SLC36A1: variants seen among roughly 807,000 people sequenced by gnomAD.
The protein encoded by SLC36A1 is proton-coupled amino acid transporter 1.
SLC36A1 carries 30 observed loss-of-function variants against 47.5 expected under a neutral mutation model. The observed-to-expected ratio is 0.63, with a 90% confidence interval of 0.47 to 0.86. The LOEUF (loss-of-function observed/expected upper bound fraction) is 0.86, where lower values mean the gene tolerates loss of function less well. Ranked by LOEUF, SLC36A1 falls within the 40% of genes least tolerant of loss-of-function variation. The probability of loss-of-function intolerance (pLI) is 0.00; values close to 1 mark genes in which losing one functional copy is unlikely to be tolerated. For missense variants in SLC36A1, 517 were observed against 606.0 expected (o/e 0.85, Z 1.54); for synonymous variants, 255 against 249.7 (o/e 1.02, Z -0.20).
At chr5:151,479,679 T>C (rs925839814) in intron 10 of SLC36A1, 190 bp downstream of exon 10, 6 of 595,952 alleles carry the variant, frequency 1.0e-5, no homozygotes, top group Non-Finnish European at 1.2e-5. Flanking sequence ...ACATATGTAC[T>C]GTAAAGAACA....
chr5:151,453,252 C>CT (rs1234260563), intron 1 of SLC36A1, among the ~76,000 whole-genome samples: 5 of 151,744 alleles, frequency 3.3e-5, no homozygotes, highest in Admixed American at 6.6e-5. Flanking sequence ...AAATAAAATG[C>CT]TAAGGTGGAA....
chr5:151,539,308 A>G, the SLC36A1 span, among the ~76,000 whole-genome samples: 1 of 152,212 alleles, frequency 6.6e-6, no homozygotes, highest in African/African-American at 2.4e-5. Flanking sequence ...GAGGAGATAT[A>G]TGTATTTATG....
At chr5:151,506,258 A>G in the SLC36A1 span, among the ~76,000 whole-genome samples, 1 of 152,368 alleles carries the variant, frequency 6.6e-6, no homozygotes, top group African/African-American at 2.4e-5. Flanking sequence ...TTGATAACAT[A>G]GAATCCAATG....
chr5:151,512,483 A>G, the SLC36A1 span: 1 of 1,614,174 alleles, frequency 6.2e-7, no homozygotes, highest in Non-Finnish European at 8.5e-7. This position sits in a 1 kb window ranked among gnomAD's most constrained non-coding sequence, Gnocchi z 4.1. Context: ...AGGCGAATGG[A>G]AGCGTCCATC....
chr5:151,393,066 CT>C, the SLC36A1 span, among the ~76,000 whole-genome samples: 1 of 151,598 alleles, frequency 6.6e-6, no homozygotes, highest in Non-Finnish European at 1.5e-5. Flanking sequence ...TAAGGACTTG[CT>C]TTATGAATCT....
chr5:151,368,678 C>T, the SLC36A1 span, among the ~76,000 whole-genome samples: 1 of 152,158 alleles, frequency 6.6e-6, no homozygotes, highest in African/African-American at 2.4e-5. Context: ...ATAGATTTCT[C>T]CTTTTTTCTG....
the SLC36A1 span, among the ~76,000 whole-genome samples, chr5:151,499,757 C>T: frequency 2.0e-5 from 3 of 151,400 alleles, no homozygotes; most frequent in Non-Finnish European, 4.4e-5. Flanking sequence ...CTCCCTCATC[C>T]GCCAGCCCCT....
chr5:151,433,245 T>TA (rs1315193832), upstream of SLC36A1, among the ~76,000 whole-genome samples: 32 of 13,374 alleles, frequency 2.4e-3, 3 homozygotes, highest in East Asian at 0.064. Context: ...TATATATATA[T>TA]ATATATATAT....
the SLC36A1 span, among the ~76,000 whole-genome samples, chr5:151,540,158 T>A: frequency 3.3e-5 from 5 of 152,222 alleles, no homozygotes; most frequent in Non-Finnish European, 7.3e-5. Context: ...GAAATAGACC[T>A]TTGTTGGGAA....
At chr5:151,553,322 G>T in the SLC36A1 span, 1 of 1,614,272 alleles carries the variant, frequency 6.2e-7, no homozygotes, top group African/African-American at 1.3e-5. Context: ...GGGGCCAAGG[G>T]ATCCACTCAA....
chr5:151,534,023 TG>T, the SLC36A1 span, among the ~76,000 whole-genome samples: 1 of 152,162 alleles, frequency 6.6e-6, no homozygotes, highest in Non-Finnish European at 1.5e-5. Context: ...ATGGGCTTAC[TG>T]GGGTTGGTAC....
chr5:151,508,575 TG>T, the SLC36A1 span, among the ~76,000 whole-genome samples: 3 of 152,274 alleles, frequency 2.0e-5, no homozygotes, highest in South Asian at 6.2e-4. Flanking sequence ...CCAGGTGTTA[TG>T]GCACATGCCT....
At chr5:151,457,942 G>T (rs1393803850) in intron 1 of SLC36A1, among the ~76,000 whole-genome samples, 2 of 151,472 alleles carry the variant, frequency 1.3e-5, no homozygotes, top group African/African-American at 4.9e-5. Context: ...TCCGCCTCCC[G>T]GTTTCAAGCG....
the SLC36A1 span, among the ~76,000 whole-genome samples, chr5:151,506,549 C>T: frequency 6.6e-6 from 1 of 152,208 alleles, no homozygotes; most frequent in Non-Finnish European, 1.5e-5. Context: ...ACCAGGAGCC[C>T]TTGGTCCTAG....
the SLC36A1 span, among the ~76,000 whole-genome samples, chr5:151,539,673 G>A: frequency 1.3e-5 from 2 of 152,118 alleles, no homozygotes; most frequent in Admixed American, 6.5e-5. Flanking sequence ...AACTTTGAAA[G>A]AATGTAAATC....
At chr5:151,507,465 T>A in the SLC36A1 span, 1 of 1,614,068 alleles carries the variant, frequency 6.2e-7, no homozygotes, top group Non-Finnish European at 8.5e-7. Flanking sequence ...ACGGCGGCAG[T>A]AGAAGAGAAG....
chr5:151,551,381 C>T, the SLC36A1 span: 1 of 1,415,888 alleles, frequency 7.1e-7, no homozygotes, highest in Middle Eastern at 2.5e-4. Context: ...AACACCACAT[C>T]CACAGAAAAC....
chr5:151,497,443 T>G, the SLC36A1 span, among the ~76,000 whole-genome samples: 1 of 152,246 alleles, frequency 6.6e-6, no homozygotes, highest in Non-Finnish European at 1.5e-5. Context: ...TAAATCCTAC[T>G]TGATCATTGT....
chr5:151,512,448 G>A, the SLC36A1 span: 7 of 1,614,254 alleles, frequency 4.3e-6, no homozygotes, highest in African/African-American at 4.0e-5. The surrounding 1 kb of genome is among the most constrained non-coding windows in gnomAD (Gnocchi z 4.1). Flanking sequence ...CCACAAGGGA[G>A]GTGTTGCCCA....
Sources: allele counts gnomAD v4.1 joint callset (sites outside exome capture counted in the v4.1 genomes callset), GRCh38; gene constraint gnomAD v4.1.1; non-coding constraint Gnocchi (gnomAD v3.1); transcripts MANE v1.5; gene names NCBI Gene and HGNC (gene_info 2026-07-23, HGNC 2026-07-21).